The following NDC1 variants were observed in gnomAD, a reference collection of about 807,000 sequenced individuals.
The protein encoded by NDC1 is NDC1 transmembrane nucleoporin.
Under a neutral mutation model 89.8 loss-of-function variants are expected in NDC1, and 24 were observed. The ratio of observed to expected loss-of-function variants is 0.27; its 90% CI spans 0.19 to 0.38. The LOEUF (loss-of-function observed/expected upper bound fraction) is 0.38, where lower values mean the gene tolerates loss of function less well. Among genes scored for constraint, NDC1 ranks in the 10% least tolerant of loss-of-function variants. The probability of loss-of-function intolerance (pLI) is 1.00; values close to 1 mark genes in which losing one functional copy is unlikely to be tolerated. For missense variants in NDC1, 728 were observed against 797.6 expected (o/e 0.91, Z 1.05); for synonymous variants, 296 against 284.8 (o/e 1.04, Z -0.39).
intron 16 of NDC1, among the ~76,000 whole-genome samples, chr1:53,774,150 CAG>C (rs1174177302): frequency 6.6e-6 from 1 of 152,144 alleles, no homozygotes; most frequent in Non-Finnish European, 1.5e-5. Context: ...TATAGTTTAG[CAG>C]AGTTTTGGGG....
intron 11 of NDC1, among the ~76,000 whole-genome samples, chr1:53,799,217 G>T (rs1557576292): frequency 6.6e-6 from 1 of 152,162 alleles, no homozygotes; most frequent in Non-Finnish European, 1.5e-5. Flanking sequence ...CTTTTGGACA[G>T]ATTTCCTTTT....
At chr1:53,791,414 C>A (rs374267144) in intron 14 of NDC1, among the ~76,000 whole-genome samples, 1 of 143,196 alleles carries the variant, frequency 7.0e-6, no homozygotes, top group Non-Finnish European at 1.5e-5. Context: ...CCAGCCTGGG[C>A]GACAGAGCGA....
chr1:53,825,885 G>GA lies in NDC1; in HGVS notation c.506dup (p.Leu170ProfsTer10). On this transcript the variant is annotated frameshift_variant, in exon 5 of 18. Coordinates refer to ENST00000371429, the MANE Select transcript of NDC1 (RefSeq NM_018087.5). LOFTEE classifies it high-confidence loss of function. Reference sequence around the variant, plus strand: ...AGCCCATAAATGCTCCAGTCAGTAGGAAAAAAAGATGATATTCATTTAAGC... The same window carrying GA: ...AGCCCATAAATGCTCCAGTCAGTAGGAAAAAAAAGATGATATTCATTTAAGC... The GA allele has an allele frequency of 6.2e-7, 1 of 1,609,826 alleles. No homozygotes were observed. The highest frequency in any genetic ancestry group is 8.5e-7 in the Non-Finnish European group (1 of 1,178,656).
intron 5 of NDC1, among the ~76,000 whole-genome samples, chr1:53,821,866 T>G (rs1367390485): frequency 6.6e-6 from 1 of 152,226 alleles, no homozygotes; most frequent in Non-Finnish European, 1.5e-5. Context: ...ATGTAATACT[T>G]TCAACAGTCT....
At chr1:53,828,581 T>G (rs1377582875) in intron 3 of NDC1, among the ~76,000 whole-genome samples, 1 of 151,572 alleles carries the variant, frequency 6.6e-6, no homozygotes, top group Non-Finnish European at 1.5e-5. Flanking sequence ...TACTGACTTT[T>G]TATTTATTTA....
At chr1:53,815,581 A>G (rs1251913633) in intron 6 of NDC1, among the ~76,000 whole-genome samples, 1 of 152,238 alleles carries the variant, frequency 6.6e-6, no homozygotes, top group Non-Finnish European at 1.5e-5. Context: ...TCTTCAACAT[A>G]GTACTGGAAG....
At chr1:53,816,081 A>G (rs1417426558) in intron 6 of NDC1, among the ~76,000 whole-genome samples, 3 of 152,232 alleles carry the variant, frequency 2.0e-5, no homozygotes, top group African/African-American at 7.2e-5. Flanking sequence ...CATTCTTCAC[A>G]GAATTAGAAA....
chr1:53,811,068 T>C (rs1373808365), intron 6 of NDC1, among the ~76,000 whole-genome samples: 3 of 152,074 alleles, frequency 2.0e-5, no homozygotes, highest in Middle Eastern at 3.4e-3. Flanking sequence ...GCTGAACCAG[T>C]TTAGAGAGTC....
chr1:53,775,526 T>C (rs1347091673), intron 16 of NDC1, among the ~76,000 whole-genome samples: 11 of 152,204 alleles, frequency 7.2e-5, no homozygotes, highest in Non-Finnish European at 1.6e-4. Flanking sequence ...CCCAAAGTGC[T>C]AGGATTACAG....
chr1:53,812,037 C>T (rs1462053026), intron 6 of NDC1, among the ~76,000 whole-genome samples: 5 of 152,178 alleles, frequency 3.3e-5, no homozygotes, highest in Admixed American at 3.3e-4. Context: ...TCACAGGAAG[C>T]CACATCCATA....
chr1:53,822,226 C>G (rs934772780), intron 5 of NDC1, among the ~76,000 whole-genome samples: 1 of 152,138 alleles, frequency 6.6e-6, no homozygotes, highest in African/African-American at 2.4e-5. Flanking sequence ...CCCAGCTACT[C>G]ATGAGGCTGA....
chr1:53,823,737 G>A (rs1440384553), intron 5 of NDC1, among the ~76,000 whole-genome samples: 1 of 152,090 alleles, frequency 6.6e-6, no homozygotes. Context: ...AAATTTTGAG[G>A]TAGCCAAGTT....
intron 2 of NDC1, among the ~76,000 whole-genome samples, chr1:53,834,824 T>C (rs756330166): frequency 1.3e-5 from 2 of 152,182 alleles, no homozygotes; most frequent in Non-Finnish European, 2.9e-5. Context: ...AGGAACATTT[T>C]AGGCCAGGTG....
intron 3 of NDC1, among the ~76,000 whole-genome samples, chr1:53,829,500 G>A (rs1648982414): frequency 6.6e-6 from 1 of 152,200 alleles, no homozygotes; most frequent in South Asian, 2.1e-4. Flanking sequence ...GGGGCAAGTG[G>A]TGCTCCTATA....
intron 1 of NDC1, among the ~76,000 whole-genome samples, chr1:53,836,271 G>T (rs12727907): frequency 6.6e-6 from 1 of 151,954 alleles, no homozygotes; most frequent in African/African-American, 2.4e-5. Context: ...AGCTGAGGCC[G>T]GGCGTGGTGG....
chr1:53,772,560 A>T, intron 16 of NDC1, 71 bp from the exon 17 acceptor site: 1 of 1,461,372 alleles, frequency 6.8e-7, no homozygotes. Flanking sequence ...GCTGTGGCTC[A>T]CATGTGTAAT....
intron 16 of NDC1, among the ~76,000 whole-genome samples, chr1:53,784,951 T>C (rs1570168165): frequency 1.4e-5 from 2 of 148,130 alleles, no homozygotes; most frequent in East Asian, 4.2e-4. Context: ...GAGCAGAGAC[T>C]CAATCTCAAA....
chr1:53,786,439 GT>G (rs1385075906), intron 16 of NDC1, among the ~76,000 whole-genome samples: 1 of 152,200 alleles, frequency 6.6e-6, no homozygotes, highest in Non-Finnish European at 1.5e-5. Context: ...ATCAAGCCTG[GT>G]GATAGGCATC....
chr1:53,813,960 C>A (rs1055003072), intron 6 of NDC1, among the ~76,000 whole-genome samples: 1 of 152,164 alleles, frequency 6.6e-6, no homozygotes, highest in Non-Finnish European at 1.5e-5. Context: ...AACTGGAAAT[C>A]AACTCCAAAA....
Sources: gnomAD v4.1 joint callset for allele counts (sites outside exome capture counted in the v4.1 genomes callset) on GRCh38, gnomAD v4.1.1 for gene constraint, MANE v1.5 for transcripts, NCBI Gene and HGNC (gene_info 2026-07-23, HGNC 2026-07-21) for gene names.